Variants in P4HA3 observed in about 807,000 individuals in gnomAD.
P4HA3 encodes the protein prolyl 4-hydroxylase subunit alpha-3.
Under a neutral mutation model 66.7 loss-of-function variants are expected in P4HA3, and 60 were observed. The observed-to-expected ratio is 0.90, with a 90% confidence interval of 0.73 to 1.12. The LOEUF (loss-of-function observed/expected upper bound fraction) is 1.12. Among genes scored for constraint, P4HA3 ranks in the 50% most tolerant of loss-of-function variants. The pLI is 0.00. For missense variants in P4HA3, 683 were observed against 685.8 expected, an observed-to-expected ratio of 1.00 and a Z score of 0.05; for synonymous variants, 263 against 274.6, an observed-to-expected ratio of 0.96 and a Z score of 0.42.
At chr11:74,290,355 G>A (rs113906402) in intron 4 of P4HA3, among the ~76,000 whole-genome samples, 5,774 of 151,334 alleles carry the variant, frequency 0.038, 107 homozygotes, top group Middle Eastern at 0.1. Context: ...CCCTTTGTCA[G>A]ATGAGTAGGT....
downstream of P4HA3, among the ~76,000 whole-genome samples, chr11:74,265,744 T>C (rs1473775872): frequency 6.6e-6 from 1 of 152,156 alleles, no homozygotes; most frequent in Non-Finnish European, 1.5e-5. Context: ...CCAGACCTTC[T>C]TCTGGGGCTA....
chr11:74,295,848 A>G (rs1861195122), intron 4 of P4HA3, among the ~76,000 whole-genome samples: 1 of 152,236 alleles, frequency 6.6e-6, no homozygotes, highest in African/African-American at 2.4e-5. Flanking sequence ...TACTTGAGTA[A>G]TCTATGAATA....
rs112787481 is a variant in P4HA3, at chr11:74,299,660, T to C, written c.568-1299A>G. ...ACTATAAAAAGCGTTTTATTATATATTTTCAAGAAAAAAAAAAAAAAAACA... is the reference window on the plus strand; with the variant it reads ...ACTATAAAAAGCGTTTTATTATATACTTTCAAGAAAAAAAAAAAAAAAACA... On this transcript the variant is annotated intron_variant, in intron 3 of 12. Coordinates refer to ENST00000331597, the MANE Select transcript of P4HA3 (RefSeq NM_182904.5). Among the ~76,000 whole-genome samples, 289 of 133,320 alleles carry C rather than the reference T, an allele frequency of 2.2e-3. 3 individuals are homozygous for C. Among genetic ancestry groups the C allele is most frequent in the African/African-American group, 8.4e-3 (268 of 31,886 alleles). The allele number at this position is 133,320 out of a possible 152,430, so 87.5% of individuals were successfully genotyped here. A position where few individuals can be genotyped will look rare whatever the true frequency, so the allele number is the denominator to read the frequency against.
At chr11:74,306,519 GA>G (rs1861584750) in intron 1 of P4HA3, among the ~76,000 whole-genome samples, 1 of 151,830 alleles carries the variant, frequency 6.6e-6, no homozygotes, top group South Asian at 2.1e-4. Context: ...GGAAGTAGAA[GA>G]AAAAAAAGTT....
chr11:74,261,397 C>A (rs570899274), intron 14 of P4HA3, among the ~76,000 whole-genome samples: 86 of 152,198 alleles, frequency 5.7e-4, no homozygotes, highest in African/African-American at 2.0e-3. Context: ...AGGTGGGGAG[C>A]AATCAGAGGA....
chr11:74,271,086 A>C (rs554870640), intron 10 of P4HA3, among the ~76,000 whole-genome samples: 1 of 152,208 alleles, frequency 6.6e-6, no homozygotes, highest in Non-Finnish European at 1.5e-5. Flanking sequence ...CTGTAATCTT[A>C]TGGCAGTCAG....
chr11:74,261,797 C>T (rs1005509256), downstream of P4HA3, among the ~76,000 whole-genome samples: 5 of 152,210 alleles, frequency 3.3e-5, no homozygotes, highest in African/African-American at 1.2e-4. Context: ...TGACAGGCCA[C>T]ACATGCAGTC....
chr11:74,251,235 T>C lies in P4HA3; in HGVS notation c.*1319-3234A>G, dbSNP rs1265125462. The C allele has an allele frequency of 9.3e-6, 13 of 1,400,802 alleles. No individual in the cohort carries two copies. In the South Asian group the frequency reaches 1.2e-4, roughly 13 times the overall value. 86.8% of individuals were successfully genotyped at this position (1,400,802 alleles called of 1,614,324 possible). Reference sequence around the variant, plus strand: ...TGAGGAGCTACTGACACTCTGCTATTTCATCCCAGGGCCCTGTGGTTAAGA... The same window carrying C: ...TGAGGAGCTACTGACACTCTGCTATCTCATCCCAGGGCCCTGTGGTTAAGA... On this transcript the variant is annotated intron_variant and NMD_transcript_variant, in intron 15 of 15. Coordinates refer to the P4HA3 transcript ENST00000524388.
At chr11:74,298,402 C>T in intron 3 of P4HA3, 41 bp from the exon 4 acceptor site, 1 of 1,578,742 alleles carries the variant, frequency 6.3e-7, no homozygotes, top group South Asian at 1.2e-5. Context: ...CCTTATTCCA[C>T]AGGTAGAAAA....
chr11:74,300,482 G>A (rs1283515688), intron 3 of P4HA3, among the ~76,000 whole-genome samples: 3 of 152,036 alleles, frequency 2.0e-5, no homozygotes, highest in African/African-American at 7.2e-5. Context: ...AGCTGGATAT[G>A]GTGGGGCACA....
intron 15 of P4HA3, chr11:74,255,900 G>T (rs566068700): frequency 2.1e-5 from 11 of 513,960 alleles, no homozygotes; most frequent in South Asian, 1.5e-4. Flanking sequence ...CCTTATGTGT[G>T]GTTTGATTTC....
At chr11:74,296,752 T>C (rs766205075) in intron 4 of P4HA3, among the ~76,000 whole-genome samples, 36 of 152,132 alleles carry the variant, frequency 2.4e-4, no homozygotes, top group Non-Finnish European at 4.9e-4. Context: ...TCTTTCAGGG[T>C]AAGCTGCTTT....
chr11:74,311,145 G>T (rs1454969545), intron 1 of P4HA3, among the ~76,000 whole-genome samples: 1 of 152,122 alleles, frequency 6.6e-6, no homozygotes, highest in Non-Finnish European at 1.5e-5. Context: ...TGCAGTCCCA[G>T]TGTGACCCAA....
At chr11:74,267,948 T>C (rs559894827) in intron 12 of P4HA3, among the ~76,000 whole-genome samples, 197 bp downstream of exon 12, 6 of 152,348 alleles carry the variant, frequency 3.9e-5, no homozygotes, top group African/African-American at 1.4e-4. Flanking sequence ...ACTGTCACTC[T>C]GTAACAGGAA....
chr11:74,292,023 C>A (rs1254474521), intron 4 of P4HA3, among the ~76,000 whole-genome samples: 1 of 152,114 alleles, frequency 6.6e-6, no homozygotes, highest in Admixed American at 6.5e-5. Flanking sequence ...AGGAATGGTA[C>A]CAGCTCCTCT....
Position 74,302,410 on chromosome 11 carries a change from G to A in P4HA3, c.526C>T (p.Leu176Phe). 6.2e-7 allele frequency: 1 copy of A among 1,613,910 alleles called. No individual in the cohort carries two copies. The highest frequency in any genetic ancestry group is 8.5e-7 in the Non-Finnish European group (1 of 1,180,006). The change falls in exon 3 of 13, where the codon CTC (leucine) becomes TTC (phenylalanine). Residue 176 changes from leucine to phenylalanine, a missense_variant. Leu to Phe is a conservative substitution (Grantham distance 22, BLOSUM62 0). Coordinates refer to ENST00000331597, the MANE Select transcript of P4HA3 (RefSeq NM_182904.5). ...AITDLYSPKR[L>F]FSLTGDDCFQ... Reference sequence around the variant, plus strand: ...CAGTCATCCCCTGTGAGAGAAAAGAGCCGTTTGGGGCTGTACAGGTCAGTG... The same window carrying A: ...CAGTCATCCCCTGTGAGAGAAAAGAACCGTTTGGGGCTGTACAGGTCAGTG...
At chr11:74,268,045 C>A (rs1174135999) in intron 12 of P4HA3, 100 bp downstream of exon 12, 1 of 997,106 alleles carries the variant, frequency 1.0e-6, no homozygotes, top group African/African-American at 1.6e-5. Flanking sequence ...TGTAATGAAG[C>A]GTTTGGAATG....
intron 10 of P4HA3, among the ~76,000 whole-genome samples, chr11:74,270,192 A>G (rs1212411549): frequency 6.6e-6 from 1 of 152,190 alleles, no homozygotes; most frequent in Non-Finnish European, 1.5e-5. Context: ...GTTCTCTTAA[A>G]TGCTCATCAG....
At chr11:74,270,593 T>C (rs1232122742) in intron 10 of P4HA3, among the ~76,000 whole-genome samples, 1 of 152,232 alleles carries the variant, frequency 6.6e-6, no homozygotes, top group Non-Finnish European at 1.5e-5. Context: ...TTACACTATG[T>C]CCTTGCAAAT....
Sources: allele counts gnomAD v4.1 joint callset (sites outside exome capture counted in the v4.1 genomes callset), GRCh38; gene constraint gnomAD v4.1.1; transcripts MANE v1.5; gene names NCBI Gene and HGNC (gene_info 2026-07-23, HGNC 2026-07-21).